ANKRD11: variants seen among roughly 807,000 people sequenced by gnomAD.
ANKRD11 encodes the protein ankyrin repeat domain-containing protein 11.
ANKRD11 carries 17 observed loss-of-function variants against 195.7 expected under a neutral mutation model. The ratio of observed to expected loss-of-function variants is 0.09; its 90% CI spans 0.06 to 0.13. The LOEUF is 0.13. ANKRD11 is among the 10% of genes least tolerant of loss of function. The pLI is 1.00. For synonymous variants in ANKRD11, 1,953 were observed against 1,528.1 expected (o/e 1.28, Z -6.49); for missense variants, 3,735 against 3,566.1 (o/e 1.05, Z -1.21).
chr16:89,462,058 CTCCCTCTCTCCCT>C (rs2056692864), intron 1 of ANKRD11, among the ~76,000 whole-genome samples: 1 of 42,268 alleles, frequency 2.4e-5, no homozygotes, highest in African/African-American at 6.2e-5. Flanking sequence ...CCCTCTCCCT[CTCCCTCTCTCCCT>C]CTCCCTCTCC....
At chr16:89,485,490 A>G (rs1404730281) in intron 1 of ANKRD11, among the ~76,000 whole-genome samples, 1 of 152,140 alleles carries the variant, frequency 6.6e-6, no homozygotes, top group Admixed American at 6.5e-5. Context: ...ACTCTGTCTC[A>G]AAACAAAACA....
Position 89,386,762 on chromosome 16 carries a change from A to G in ANKRD11, c.-60+31522T>C, listed in dbSNP as rs190262227. On this transcript the variant is annotated intron_variant, in intron 2 of 12. Coordinates refer to ENST00000301030, the MANE Select transcript of ANKRD11 (RefSeq NM_013275.6). ...CTGTTGGATTTCATCAATCCAAAAT[A>G]GCACTGTAGAATCCTTCCAGATGGC... is the stretch of plus-strand genomic sequence containing the variant. 8.1e-4 allele frequency among the ~76,000 whole-genome samples: 123 copies of G among 152,322 alleles called. 1 individual carries two copies. The highest frequency in any genetic ancestry group is 2.8e-3 in the African/African-American group (117 of 41,566).
chr16:89,322,844 CTTTTG>C (rs2037414924), intron 2 of ANKRD11, among the ~76,000 whole-genome samples: 1 of 151,938 alleles, frequency 6.6e-6, no homozygotes, highest in East Asian at 1.9e-4. Flanking sequence ...CTGAAGAGTT[CTTTTG>C]TTTGTTTGTT....
intron 1 of ANKRD11, among the ~76,000 whole-genome samples, chr16:89,462,324 G>T (rs565824191): frequency 6.6e-6 from 1 of 152,304 alleles, no homozygotes; most frequent in Admixed American, 6.5e-5. Context: ...GCCAGCCTCG[G>T]CCTCCCGAGG....
intron 2 of ANKRD11, among the ~76,000 whole-genome samples, chr16:89,368,371 GTTTTTTT>G (rs71134210): frequency 5.3e-4 from 30 of 56,594 alleles, no homozygotes; most frequent in South Asian, 1.7e-3. Context: ...TAATTTTTGT[GTTTTTTT>G]TTTTTTTTTT....
intron 3 of ANKRD11, among the ~76,000 whole-genome samples, chr16:89,307,368 A>C (rs150589942): frequency 2.0e-4 from 31 of 152,318 alleles, no homozygotes; most frequent in Admixed American, 1.8e-3. Context: ...TGCATCCACC[A>C]AACCTGACAG....
At chr16:89,384,235 C>G (rs1225799919) in intron 2 of ANKRD11, among the ~76,000 whole-genome samples, 1 of 152,020 alleles carries the variant, frequency 6.6e-6, no homozygotes, top group Non-Finnish European at 1.5e-5. Context: ...CAAACAAAAA[C>G]AAACATTTCT....
intron 2 of ANKRD11, among the ~76,000 whole-genome samples, chr16:89,356,014 G>A (rs552679205): frequency 1.3e-5 from 2 of 152,326 alleles, no homozygotes; most frequent in African/African-American, 4.8e-5. Context: ...CCTGGGGGCT[G>A]AGGCGACAGT....
In ANKRD11 at chr16:89,291,005, G is replaced by A. The variant is rs778211768; in HGVS notation, c.397+8C>T. ...CTGCGCCAGGGACCACCCACAGGCC[G>A]GGCTCACCTGGGCTGTTGGCAGACT... On this transcript the variant is annotated splice_region_variant and intron_variant, in intron 5 of 12. Coordinates refer to ENST00000301030, the MANE Select transcript of ANKRD11 (RefSeq NM_013275.6). This position sits in a 1 kb window ranked among gnomAD's most constrained non-coding sequence, Gnocchi z 5.3. The A allele has an allele frequency of 8.1e-6, 13 of 1,610,492 alleles. No individual in the cohort carries two copies. The highest frequency in any genetic ancestry group is 2.2e-5 in the East Asian group (1 of 44,868).
At chr16:89,345,248 C>A (rs2038883239) in intron 2 of ANKRD11, among the ~76,000 whole-genome samples, 1 of 147,832 alleles carries the variant, frequency 6.8e-6, no homozygotes, top group Non-Finnish European at 1.5e-5. Flanking sequence ...ATTACAAGCC[C>A]CCCCTCCCCA....
In ANKRD11 at chr16:89,280,535, C is replaced by A. The variant is rs1465538924; in HGVS notation, c.6007G>T (p.Ala2003Ser). ...RFCPADPLHSAAPGPFSASEA... is the reference protein window; with the variant it reads ...RFCPADPLHSSAPGPFSASEA... ...GAGGCGCTGAAGGGCCCTGGGGCGG[C>A]AGAGTGGAGGGGGTCCGCGGGGCAG... The change falls in exon 9 of 13, where the codon GCC becomes TCC. Residue 2003 changes from alanine (A) to serine (S), a missense_variant. Ala to Ser is a moderately conservative substitution (Grantham distance 99). Transcript: ENST00000301030. 16 of 1,612,210 alleles carry A rather than the reference C, an allele frequency of 9.9e-6. No homozygotes were observed. Among genetic ancestry groups the A allele is most frequent in the Non-Finnish European group, 1.4e-5 (16 of 1,179,706 alleles).
chr16:89,477,235 C>T (rs922329757), intron 1 of ANKRD11, among the ~76,000 whole-genome samples: 18 of 151,814 alleles, frequency 1.2e-4, no homozygotes, highest in Admixed American at 8.5e-4. Context: ...CTCTGGTGCC[C>T]AAGCTGGAGT....
chr16:89,424,925 G>C (rs1191422998), intron 1 of ANKRD11, among the ~76,000 whole-genome samples: 1 of 152,092 alleles, frequency 6.6e-6, no homozygotes, highest in Non-Finnish European at 1.5e-5. Context: ...ACCTGAGTAA[G>C]ACCGGTCAGC....
At position 89,283,599 on chromosome 16, in the gene ANKRD11, G is replaced by A. The variant is rs750961647; in HGVS notation, c.2943C>T (p.Cys981=). 28 of 1,609,694 alleles carry A rather than the reference G, an allele frequency of 1.7e-5. No individual in the cohort carries two copies. The highest frequency in any genetic ancestry group is 2.2e-5 in the Non-Finnish European group (26 of 1,179,950). ...AHREELKECG[C]ESGFKDKSDG... is the part of the protein sequence containing the mutation. The stretch of plus-strand genomic sequence containing the variant: ...CGGACTTGTCCTTGAAGCCACTCTC[G>A]CAGCCACACTCCTTCAGCTCCTCCC... The change falls in exon 9 of 13, where the codon TGC becomes TGT. Residue 981 remains cysteine (C), a synonymous_variant. Coordinates refer to ENST00000301030, the MANE Select transcript of ANKRD11 (RefSeq NM_013275.6). The surrounding 1 kb of genome is among the most constrained non-coding windows in gnomAD (Gnocchi z 4.3).
chr16:89,487,634 C>T (rs915577954), intron 1 of ANKRD11, among the ~76,000 whole-genome samples: 5 of 152,044 alleles, frequency 3.3e-5, no homozygotes, highest in African/African-American at 1.2e-4. Context: ...ATTAGCCAGG[C>T]GTGGCGGTGG....
At chr16:89,312,549 C>A (rs907322540) in intron 3 of ANKRD11, among the ~76,000 whole-genome samples, 1 of 152,226 alleles carries the variant, frequency 6.6e-6, no homozygotes, top group Non-Finnish European at 1.5e-5. Context: ...TCCAGCAAGC[C>A]CAGCAAGTCT....
chr16:89,276,108 A>G (rs949572168), intron 9 of ANKRD11, among the ~76,000 whole-genome samples: 2 of 152,248 alleles, frequency 1.3e-5, no homozygotes, highest in Non-Finnish European at 2.9e-5. Flanking sequence ...AGTCAGCAAC[A>G]GGAGCGCACG....
At chr16:89,455,186 C>G (rs1470268867) in intron 1 of ANKRD11, among the ~76,000 whole-genome samples, 2 of 111,576 alleles carry the variant, frequency 1.8e-5, no homozygotes, top group South Asian at 3.2e-4. Flanking sequence ...GTGCTTCTAG[C>G]ATTCCTCAAG....
chr16:89,335,574 A>C (rs2038309224), intron 2 of ANKRD11, among the ~76,000 whole-genome samples: 1 of 152,238 alleles, frequency 6.6e-6, no homozygotes, highest in Non-Finnish European at 1.5e-5. Flanking sequence ...GTAGCAGAAC[A>C]GCGAGTGACG....
Sources: allele counts gnomAD v4.1 joint callset (sites outside exome capture counted in the v4.1 genomes callset), GRCh38; gene constraint gnomAD v4.1.1; non-coding constraint Gnocchi (gnomAD v3.1); transcripts MANE v1.5; gene names NCBI Gene and HGNC (gene_info 2026-07-23, HGNC 2026-07-21).